RGS6: variants seen among roughly 807,000 people sequenced by gnomAD.
The protein encoded by RGS6 is regulator of G-protein signaling 6.
Under a neutral mutation model 78.5 loss-of-function variants are expected in RGS6, and 30 were observed. That is an observed-to-expected ratio of 0.38 (90% CI 0.29 to 0.52). The LOEUF is 0.52. RGS6 is among the 20% of genes least tolerant of loss of function. The pLI is 0.85. For missense variants in RGS6, 495 were observed against 609.7 expected, an observed-to-expected ratio of 0.81 and a Z score of 1.98; for synonymous variants, 206 against 206.0, an observed-to-expected ratio of 1.00 and a Z score of 0.00.
the RGS6 span, among the ~76,000 whole-genome samples, chr14:72,629,905 C>T: frequency 2.0e-5 from 3 of 152,166 alleles, no homozygotes; most frequent in African/African-American, 7.2e-5. Flanking sequence ...CTTCACCACC[C>T]AGTTATTCAG....
At chr14:72,089,346 A>G (rs74960062) in intron 2 of RGS6, among the ~76,000 whole-genome samples, 11,759 of 152,276 alleles carry the variant, frequency 0.077, 503 homozygotes, top group Admixed American at 0.11. Flanking sequence ...AGTGCACATC[A>G]CCTGGATGGC....
At chr14:72,619,969 A>C in the RGS6 span, 1 of 1,534,784 alleles carries the variant, frequency 6.5e-7, no homozygotes, top group Non-Finnish European at 8.7e-7. Flanking sequence ...CAGTCATCGC[A>C]GAAGAGTAGC....
At chr14:71,926,365 C>T in the RGS6 span, among the ~76,000 whole-genome samples, 1 of 152,184 alleles carries the variant, frequency 6.6e-6, no homozygotes, top group African/African-American at 2.4e-5. Context: ...GGGCAGATCA[C>T]CTGAGGTCAG....
intron 2 of RGS6, among the ~76,000 whole-genome samples, chr14:71,999,209 C>T (rs1010278262): frequency 3.3e-5 from 5 of 152,154 alleles, no homozygotes; most frequent in South Asian, 2.1e-4. Flanking sequence ...GAATTAAAAC[C>T]GGAGAGCGTC....
intron 3 of RGS6, among the ~76,000 whole-genome samples, chr14:72,450,225 G>T (rs2095459201): frequency 1.3e-5 from 2 of 151,894 alleles, no homozygotes; most frequent in South Asian, 4.1e-4. Flanking sequence ...CTGTTCTCAA[G>T]ATGCTTTTCC....
chr14:72,279,465 A>G (rs193138870), intron 2 of RGS6, among the ~76,000 whole-genome samples: 1 of 152,274 alleles, frequency 6.6e-6, no homozygotes, highest in East Asian at 1.9e-4. Flanking sequence ...TGCCTTCCAG[A>G]TCCTCCATAA....
chr14:72,096,893 A>G (rs2095420443), intron 2 of RGS6, among the ~76,000 whole-genome samples: 1 of 152,236 alleles, frequency 6.6e-6, no homozygotes, highest in Non-Finnish European at 1.5e-5. Context: ...ACAAACAACC[A>G]CAGTCTCCTT....
chr14:72,518,412 G>A lies in RGS6; in HGVS notation c.1153G>A (p.Glu385Lys). Reference protein sequence around the residue: ...QPLQDVAKRVEEIWQEFLAPG... With the variant: ...QPLQDVAKRVKEIWQEFLAPG... ...CCTACAGGATGTGGCCAAGAGGGTAGAAGAAATCTGGCAAGAGTTTCTGGC... is the reference window on the plus strand; with the variant it reads ...CCTACAGGATGTGGCCAAGAGGGTAAAAGAAATCTGGCAAGAGTTTCTGGC... Residue 385 changes from glutamate (E) to lysine (K), a missense_variant, in exon 15 of 18, where the codon GAA (glutamate) becomes AAA (lysine). Physicochemically the swap from Glu to Lys is moderately conservative, Grantham distance 56 (BLOSUM62 1). Transcript: ENST00000553525. 4 of 1,614,222 alleles carry A rather than the reference G, an allele frequency of 2.5e-6. No individual in the cohort carries two copies. Among genetic ancestry groups the A allele is most frequent in the Non-Finnish European group, 3.4e-6 (4 of 1,180,038 alleles).
intron 3 of RGS6, among the ~76,000 whole-genome samples, chr14:72,375,925 T>C (rs1478223894): frequency 6.6e-6 from 1 of 152,140 alleles, no homozygotes; most frequent in Non-Finnish European, 1.5e-5. Flanking sequence ...TTTCATCAGA[T>C]GTGTAGAAAT....
At chr14:72,606,454 C>T in the RGS6 span, among the ~76,000 whole-genome samples, 1 of 152,168 alleles carries the variant, frequency 6.6e-6, no homozygotes, top group African/African-American at 2.4e-5. Flanking sequence ...ATCTCTATCG[C>T]AACCCCACCC....
At chr14:72,131,798 A>G (rs554938536) in intron 2 of RGS6, among the ~76,000 whole-genome samples, 1 of 152,242 alleles carries the variant, frequency 6.6e-6, no homozygotes, top group African/African-American at 2.4e-5. Context: ...TACTTTCTCA[A>G]TATACATTAA....
At chr14:72,130,704 C>T (rs2096295508) in intron 2 of RGS6, among the ~76,000 whole-genome samples, 1 of 152,180 alleles carries the variant, frequency 6.6e-6, no homozygotes, top group Non-Finnish European at 1.5e-5. Flanking sequence ...CCTCTGCAGA[C>T]TCAAGCAAAA....
At chr14:72,069,295 T>TA (rs2094312596) in intron 2 of RGS6, among the ~76,000 whole-genome samples, 2 of 152,146 alleles carry the variant, frequency 1.3e-5, no homozygotes, top group African/African-American at 4.8e-5. Flanking sequence ...GGTTGATATT[T>TA]TTTTTCTCAT....
chr14:72,285,287 G>A (rs952437339), intron 2 of RGS6, among the ~76,000 whole-genome samples: 3 of 152,252 alleles, frequency 2.0e-5, no homozygotes, highest in South Asian at 2.1e-4. Flanking sequence ...ATCTTGAATT[G>A]TAGCTCCCGT....
intron 2 of RGS6, among the ~76,000 whole-genome samples, chr14:72,134,314 T>C (rs2096392052): frequency 2.0e-5 from 3 of 152,312 alleles, no homozygotes; most frequent in South Asian, 2.1e-4. Context: ...ATAACTCTCT[T>C]TCATATGTGG....
At chr14:72,245,495 G>T (rs1220731193) in intron 2 of RGS6, among the ~76,000 whole-genome samples, 1 of 152,238 alleles carries the variant, frequency 6.6e-6, no homozygotes, top group Non-Finnish European at 1.5e-5. Context: ...ATTGCAGCAG[G>T]ATCACGCCCT....
intron 2 of RGS6, among the ~76,000 whole-genome samples, chr14:72,212,374 G>C (rs1235951394): frequency 6.6e-6 from 1 of 152,174 alleles, no homozygotes; most frequent in Admixed American, 6.5e-5. Context: ...GCCTGTGTTA[G>C]CTGCCAACAA....
chr14:72,302,664 C>A (rs1435901435), intron 2 of RGS6, among the ~76,000 whole-genome samples: 1 of 150,358 alleles, frequency 6.7e-6, no homozygotes, highest in African/African-American at 2.5e-5. Context: ...CAGAGGCCCC[C>A]AACACACACA....
chr14:72,520,583 A>G (rs1314777725), intron 15 of RGS6, among the ~76,000 whole-genome samples: 2 of 152,242 alleles, frequency 1.3e-5, no homozygotes, highest in East Asian at 3.8e-4. Context: ...TACTTTCATA[A>G]AGAGAAACTT....
Sources: gnomAD v4.1 joint callset for allele counts (sites outside exome capture counted in the v4.1 genomes callset) on GRCh38, gnomAD v4.1.1 for gene constraint, MANE v1.5 for transcripts, NCBI Gene and HGNC (gene_info 2026-07-23, HGNC 2026-07-21) for gene names.